SGCD: variants seen among roughly 807,000 people sequenced by gnomAD.
SGCD encodes sarcoglycan delta.
Under a neutral mutation model 36.6 loss-of-function variants are expected in SGCD, and 18 were observed. The observed-to-expected ratio is 0.49, with a 90% confidence interval of 0.34 to 0.73. The LOEUF is 0.73. Among genes scored for constraint, SGCD ranks in the 30% least tolerant of loss-of-function variants. SGCD has a pLI of 0.01. For missense variants in SGCD, 387 were observed against 346.7 expected (o/e 1.12, Z -0.92); for synonymous variants, 133 against 130.6 (o/e 1.02, Z -0.12).
rs755578762 is a variant in SGCD at position 156,185,212 on chromosome 5, CTT to C, written c.-44+61212_-44+61213del. On this transcript the variant is annotated intron_variant, in intron 3 of 9. Coordinates refer to the SGCD transcript ENST00000517913. The stretch of plus-strand genomic sequence containing the variant: ...ATGCGTTTCTCCTTCCTTTAATTTT[CTT>C]TTTTTTTTTTTTTTTTTTGAGACAG... 4.5e-3 allele frequency among the ~76,000 whole-genome samples: 511 copies of C among 113,158 alleles called. 3 individuals carry two copies. The highest frequency in any genetic ancestry group is 0.011 in the African/African-American group (306 of 29,016). The allele number at this position is 113,158 out of a possible 152,430, so 74.2% of individuals were successfully genotyped here.
chr5:156,081,417 A>G (rs925747840), intron 1 of SGCD, among the ~76,000 whole-genome samples: 6 of 152,094 alleles, frequency 3.9e-5, no homozygotes, highest in African/African-American at 1.2e-4. Flanking sequence ...TCTTTGAGAC[A>G]GGGTCTCACT....
chr5:155,845,514 C>A, the SGCD span: 1 of 152,196 alleles, frequency 6.6e-6, no homozygotes, highest in African/African-American at 2.4e-5. Flanking sequence ...CTGCTTAGTA[C>A]TTGGATGGGA....
chr5:156,459,993 A>G (rs1754416393), intron 3 of SGCD, among the ~76,000 whole-genome samples: 1 of 152,188 alleles, frequency 6.6e-6, no homozygotes, highest in African/African-American at 2.4e-5. Context: ...CACCGCTATA[A>G]TGAAAGCAAA....
chr5:156,480,555 G>A (rs1561723404), intron 3 of SGCD, among the ~76,000 whole-genome samples: 1 of 152,104 alleles, frequency 6.6e-6, no homozygotes, highest in Non-Finnish European at 1.5e-5. Flanking sequence ...CTTTTAGCTG[G>A]GATCTTTCCT....
intron 1 of SGCD, among the ~76,000 whole-genome samples, chr5:155,981,703 G>C (rs1247942332): frequency 1.3e-5 from 2 of 152,076 alleles, no homozygotes; most frequent in Non-Finnish European, 2.9e-5. Flanking sequence ...GCCTTACCCA[G>C]GATGCTTTCC....
rs533748535 is a variant in SGCD at position 156,051,851 on chromosome 5, T to C, written c.-281-66027T>C. The stretch of plus-strand genomic sequence containing the variant: ...TGTATGTTTTAGTGCATGTAGTGTG[T>C]GCTGGGGGAAAGAGGTGGGGAAGGG... On this transcript the variant is annotated intron_variant, in intron 1 of 9. Coordinates refer to the SGCD transcript ENST00000517913. Among the ~76,000 whole-genome samples the C allele has an allele frequency of 2.1e-5, 3 of 145,492 alleles. No individual in the cohort carries two copies. The South Asian group carries it at 6.5e-4, about 32-fold the overall frequency.
intron 3 of SGCD, among the ~76,000 whole-genome samples, chr5:156,286,231 G>C (rs1302446009): frequency 6.6e-6 from 1 of 152,188 alleles, no homozygotes; most frequent in Non-Finnish European, 1.5e-5. Flanking sequence ...TGATGGGACT[G>C]TAAACTAGTT....
intron 4 of SGCD, among the ~76,000 whole-genome samples, chr5:156,519,550 G>A (rs1367138783): frequency 2.1e-5 from 3 of 141,084 alleles, no homozygotes; most frequent in African/African-American, 7.4e-5. Flanking sequence ...CAAAAACCTA[G>A]GAGAGATACA....
chr5:156,414,381 C>T (rs1772922395), intron 3 of SGCD, among the ~76,000 whole-genome samples: 1 of 152,096 alleles, frequency 6.6e-6, no homozygotes, highest in Admixed American at 6.5e-5. Flanking sequence ...TTTTATAAAA[C>T]TTAATGATGC....
intron 7 of SGCD, among the ~76,000 whole-genome samples, chr5:156,711,081 T>C (rs1164271265): frequency 2.0e-5 from 3 of 152,192 alleles, no homozygotes; most frequent in Non-Finnish European, 4.4e-5. Flanking sequence ...ATGTTAATAC[T>C]GGTCAGTTGT....
At chr5:156,402,447 A>G (rs1166879573) in intron 3 of SGCD, among the ~76,000 whole-genome samples, 1 of 152,202 alleles carries the variant, frequency 6.6e-6, no homozygotes. Flanking sequence ...GTATACTCTG[A>G]GAGATGATTC....
intron 7 of SGCD, among the ~76,000 whole-genome samples, chr5:156,654,591 T>C (rs749143047): frequency 1.2e-4 from 18 of 152,224 alleles, no homozygotes; most frequent in Non-Finnish European, 2.1e-4. Flanking sequence ...GGCCTTAAAT[T>C]TAAAATAGCA....
the SGCD span, among the ~76,000 whole-genome samples, chr5:155,848,727 A>T: frequency 5.3e-5 from 8 of 152,200 alleles, no homozygotes; most frequent in Non-Finnish European, 7.3e-5. Context: ...AAATGAGAGT[A>T]AAGTATCTGT....
intron 3 of SGCD, among the ~76,000 whole-genome samples, chr5:156,452,476 A>T (rs961449606): frequency 6.6e-6 from 1 of 152,166 alleles, no homozygotes; most frequent in Non-Finnish European, 1.5e-5. Flanking sequence ...TGCAAAGAAG[A>T]AACAAAGTAC....
At chr5:155,788,673 C>T in the SGCD span, among the ~76,000 whole-genome samples, 1 of 152,080 alleles carries the variant, frequency 6.6e-6, no homozygotes, top group Non-Finnish European at 1.5e-5. Context: ...TAAAGTATTG[C>T]CTTTTAAGCG....
intron 3 of SGCD, among the ~76,000 whole-genome samples, chr5:156,261,520 G>T (rs530961456): frequency 6.6e-6 from 1 of 152,120 alleles, no homozygotes; most frequent in Non-Finnish European, 1.5e-5. Flanking sequence ...GGGAATGCTG[G>T]TATGAGCAAA....
intron 3 of SGCD, among the ~76,000 whole-genome samples, chr5:156,297,807 T>A (rs868573949): frequency 8.0e-5 from 12 of 149,306 alleles, no homozygotes; most frequent in African/African-American, 5.1e-5. Flanking sequence ...AATAAATAAA[T>A]AAATAAATAA....
intron 6 of SGCD, among the ~76,000 whole-genome samples, chr5:156,627,047 G>T (rs540922807): frequency 6.6e-6 from 1 of 152,300 alleles, no homozygotes; most frequent in South Asian, 2.1e-4. Context: ...CTTTAAGGCT[G>T]CTTTGGACCA....
chr5:156,690,025 T>C (rs1754051603), intron 7 of SGCD, among the ~76,000 whole-genome samples: 1 of 152,258 alleles, frequency 6.6e-6, no homozygotes, highest in African/African-American at 2.4e-5. Flanking sequence ...TTTCAAAACA[T>C]AATTTTTATG....
Sources: allele counts gnomAD v4.1 joint callset (sites outside exome capture counted in the v4.1 genomes callset), GRCh38; gene constraint gnomAD v4.1.1; transcripts MANE v1.5; gene names NCBI Gene and HGNC (gene_info 2026-07-23, HGNC 2026-07-21).